Variants in ITPRID2 observed in about 807,000 individuals in gnomAD.
The protein encoded by ITPRID2 is protein ITPRID2.
ITPRID2 carries 60 observed loss-of-function variants against 124.3 expected under a neutral mutation model. The ratio of observed to expected loss-of-function variants is 0.48; its 90% confidence interval spans 0.39 to 0.60. The LOEUF (loss-of-function observed/expected upper bound fraction) is 0.60, where lower values mean the gene tolerates loss of function less well. Among genes scored for constraint, ITPRID2 ranks in the 20% least tolerant of loss-of-function variants. The probability of loss-of-function intolerance (pLI) is 0.00; values close to 1 mark genes in which losing one functional copy is unlikely to be tolerated. For missense variants in ITPRID2, 1,553 were observed against 1,512.2 expected, an observed-to-expected ratio of 1.03 and a Z score of -0.45; for synonymous variants, 521 against 542.9, an observed-to-expected ratio of 0.96 and a Z score of 0.56.
intron 17 of ITPRID2, among the ~76,000 whole-genome samples, chr2:181,929,020 A>G (rs1248232195): frequency 1.3e-5 from 2 of 151,948 alleles, no homozygotes; most frequent in South Asian, 2.1e-4. Flanking sequence ...ATTTATTTCA[A>G]AAAACTCTTT....
intron 16 of ITPRID2, among the ~76,000 whole-genome samples, chr2:181,924,895 A>T (rs1694735313): frequency 6.6e-6 from 1 of 152,244 alleles, no homozygotes; most frequent in Non-Finnish European, 1.5e-5. Flanking sequence ...GATGTATGTG[A>T]TCAGTGGCCT....
intron 8 of ITPRID2, among the ~76,000 whole-genome samples, chr2:181,908,098 G>A (rs1244492330): frequency 3.3e-5 from 5 of 152,116 alleles, no homozygotes; most frequent in African/African-American, 4.8e-5. Flanking sequence ...AGCCGGGTGC[G>A]GCGGCTCACA....
At chr2:181,898,237 T>C (rs1692372942) in intron 4 of ITPRID2, among the ~76,000 whole-genome samples, 1 of 152,072 alleles carries the variant, frequency 6.6e-6, no homozygotes, top group Non-Finnish European at 1.5e-5. Context: ...TCATGTGTGC[T>C]GAAATAGATG....
intron 4 of ITPRID2, 80 bp downstream of exon 4, chr2:181,897,044 T>A (rs890240250): frequency 2.5e-6 from 3 of 1,214,496 alleles, no homozygotes; most frequent in Admixed American, 3.7e-5. Context: ...GTTTCAGGTT[T>A]ATGATCCTCA....
intron 9 of ITPRID2, among the ~76,000 whole-genome samples, chr2:181,912,497 T>A (rs969740543): frequency 6.6e-6 from 1 of 152,220 alleles, no homozygotes; most frequent in Non-Finnish European, 1.5e-5. Flanking sequence ...TATTCTAAAT[T>A]TTTAATGGGA....
intron 7 of ITPRID2, 123 bp from the exon 8 acceptor site, chr2:181,901,643 G>C (rs1278817070): frequency 1.4e-6 from 1 of 710,074 alleles, no homozygotes; most frequent in Non-Finnish European, 2.0e-6. Flanking sequence ...GGAAAAAATA[G>C]GGTTTTATAA....
At position 181,910,740 on chromosome 2, in the gene ITPRID2, C is replaced by T. The variant is rs1290363051; in HGVS notation, c.1486+769C>T. 56 of 550,208 alleles carry T rather than the reference C, an allele frequency of 1.0e-4. No individual in the cohort carries two copies. The highest frequency in any genetic ancestry group is 1.4e-4 in the Non-Finnish European group (44 of 304,592). 34.1% of individuals were successfully genotyped at this position (550,208 alleles called of 1,614,324 possible). A position where few individuals can be genotyped will look rare whatever the true frequency, so the allele number is the denominator to read the frequency against. On this transcript the variant is annotated intron_variant, in intron 9 of 17. Coordinates refer to ENST00000431877, the MANE Select transcript of ITPRID2 (RefSeq NM_001130445.3). The surrounding 1 kb of genome is among the most constrained non-coding windows in gnomAD (Gnocchi z 4.1). ...ATAGGAAATTACATGTTTGTTGTCTCCTGATCTCTGAAATTACTTCACAGG... is the reference window on the plus strand; with the variant it reads ...ATAGGAAATTACATGTTTGTTGTCTTCTGATCTCTGAAATTACTTCACAGG...
intron 13 of ITPRID2, 78 bp downstream of exon 13, chr2:181,918,960 A>G (rs1694282074): frequency 5.8e-6 from 9 of 1,548,174 alleles, no homozygotes; most frequent in Non-Finnish European, 7.9e-6. Flanking sequence ...TTTTAAAATT[A>G]GGTTTTGATT....
intron 8 of ITPRID2, among the ~76,000 whole-genome samples, chr2:181,908,322 A>G (rs1042484869): frequency 6.6e-6 from 1 of 152,252 alleles, no homozygotes; most frequent in Non-Finnish European, 1.5e-5. Context: ...TGCCTGAGCC[A>G]GTATTCCTAG....
At position 181,892,359 on chromosome 2, in the gene ITPRID2, C is replaced by A; in HGVS notation, c.211+82C>A. 1 of 1,429,350 alleles carries A rather than the reference C, an allele frequency of 7.0e-7. No homozygotes were observed. The highest frequency in any genetic ancestry group is 2.5e-5 in the East Asian group (1 of 40,126). 88.5% of individuals were successfully genotyped at this position (1,429,350 alleles called of 1,614,324 possible). ...GCGCCCTGGGCGCCTGCCACGAGTT[C>A]TGGGAGAGCCTCGGGCACGGTAGGC... On this transcript the variant is annotated intron_variant, in intron 1 of 17. Coordinates refer to ENST00000431877, the MANE Select transcript of ITPRID2 (RefSeq NM_001130445.3). The surrounding 1 kb of genome is among the most constrained non-coding windows in gnomAD (Gnocchi z 5.2).
In ITPRID2 at chr2:181,899,065, A is replaced by G; in HGVS notation, c.456A>G (p.Arg152=). Residue 152 remains arginine (R), a synonymous_variant, in exon 6 of 18, where the codon AGA becomes AGG. Transcript: ENST00000431877. ...GATTACAGTTTCATCAGAAAGGGAG[A>G]AGTATGAATTCCACTGGATCTGGGA... is the stretch of plus-strand genomic sequence containing the variant. ...ERRLQFHQKG[R]SMNSTGSGKS... 3 of 1,611,430 alleles carry G rather than the reference A, an allele frequency of 1.9e-6. No individual in the cohort carries two copies. In the South Asian group the frequency reaches 3.3e-5, roughly 18 times the overall value.
At chr2:181,917,129 C>T (rs944091139) in intron 11 of ITPRID2, 22 of 402,560 alleles carry the variant, frequency 5.5e-5, no homozygotes, top group African/African-American at 4.8e-4. Flanking sequence ...ACGTTGTCTT[C>T]AGTTTTGCCT....
At chr2:181,898,446 A>G (rs1692388743) in intron 4 of ITPRID2, among the ~76,000 whole-genome samples, 1 of 152,052 alleles carries the variant, frequency 6.6e-6, no homozygotes, top group Admixed American at 6.5e-5. Flanking sequence ...AAAAATTCAC[A>G]TTAGAAACTG....
At chr2:181,895,230 A>G (rs988983686) in intron 2 of ITPRID2, among the ~76,000 whole-genome samples, 2 of 152,046 alleles carry the variant, frequency 1.3e-5, no homozygotes, top group Non-Finnish European at 2.9e-5. Flanking sequence ...TGCATCACAA[A>G]ACAGACCCTC....
Position 181,930,473 on chromosome 2 carries a change from A to G in ITPRID2, c.*926A>G, listed in dbSNP as rs1338829732. On this transcript the variant is annotated 3_prime_UTR_variant, in exon 18 of 18. Coordinates refer to ENST00000431877, the MANE Select transcript of ITPRID2 (RefSeq NM_001130445.3). Reference sequence around the variant, plus strand: ...TTTGTTTTTATGAAAAAAAAGGAAAATGGTTTCCCATTTGGTTTTATATGT... The same window carrying G: ...TTTGTTTTTATGAAAAAAAAGGAAAGTGGTTTCCCATTTGGTTTTATATGT... The G allele has an allele frequency of 6.6e-6, 1 of 152,544 alleles. No homozygotes were observed. The highest frequency in any genetic ancestry group is 1.9e-4 in the East Asian group (1 of 5,200). 9.4% of individuals were successfully genotyped at this position (152,544 alleles called of 1,614,324 possible).
rs759260028 is a variant in ITPRID2 at position 181,892,686 on chromosome 2, T to A, written c.257+26T>A. 3.7e-6 allele frequency: 6 copies of A among 1,613,238 alleles called. No homozygotes were observed. The highest frequency in any genetic ancestry group is 5.1e-6 in the Non-Finnish European group (6 of 1,179,780). Reference sequence around the variant, plus strand: ...GTGAGTGCTCCCTGGTCCGCCCGCGTCCCGGGGGAGATCCGTGCGGACGGG... The same window carrying A: ...GTGAGTGCTCCCTGGTCCGCCCGCGACCCGGGGGAGATCCGTGCGGACGGG... On this transcript the variant is annotated intron_variant, in intron 2 of 17. Coordinates refer to ENST00000431877, the MANE Select transcript of ITPRID2 (RefSeq NM_001130445.3). This position sits in a 1 kb window ranked among gnomAD's most constrained non-coding sequence, Gnocchi z 5.2.
rs1033949597 is a variant in ITPRID2, at chr2:181,915,654, A to G, written c.2014A>G (p.Lys672Glu). ...GAAATCATTGGCTTCTATTGAAGCT[A>G]AATGCAGTGATATGAGCTCTGAAAA... ...ILKSLASIEA[K>E]CSDMSSENTT... The change falls in exon 11 of 18, where the codon AAA (lysine) becomes GAA (glutamate). Residue 672 changes from lysine to glutamate, a missense_variant. Transcript: ENST00000431877. 6.2e-7 allele frequency: 1 copy of G among 1,614,102 alleles called. No individual in the cohort carries two copies. The highest frequency in any genetic ancestry group is 1.3e-5 in the African/African-American group (1 of 74,936).
intron 8 of ITPRID2, among the ~76,000 whole-genome samples, chr2:181,904,535 C>A (rs904525515): frequency 3.9e-5 from 6 of 152,130 alleles, no homozygotes; most frequent in African/African-American, 7.2e-5. Context: ...CCTCTTCTCC[C>A]AAACACTTGA....
At chr2:181,908,709 A>G (rs1446538964) in intron 8 of ITPRID2, among the ~76,000 whole-genome samples, 1 of 152,216 alleles carries the variant, frequency 6.6e-6, no homozygotes, top group African/African-American at 2.4e-5. Flanking sequence ...CAAATTTTAA[A>G]TTGGGTAATA....
Sources: allele counts gnomAD v4.1 joint callset (sites outside exome capture counted in the v4.1 genomes callset), GRCh38; gene constraint gnomAD v4.1.1; non-coding constraint Gnocchi (gnomAD v3.1); transcripts MANE v1.5; gene names NCBI Gene and HGNC (gene_info 2026-07-23, HGNC 2026-07-21).